The following SLC38A8 variants were observed in gnomAD, a reference collection of about 807,000 sequenced individuals.
SLC38A8 encodes the protein solute carrier family 38 member 8.
SLC38A8 carries 65 observed loss-of-function variants against 46.0 expected under a neutral mutation model. That is an observed-to-expected ratio of 1.41 (90% CI 1.16 to 1.74). The LOEUF (loss-of-function observed/expected upper bound fraction) is 1.74. Ranked by LOEUF, SLC38A8 falls within the 40% of genes most tolerant of loss-of-function variation. The pLI is 0.00. For missense variants in SLC38A8, 998 were observed against 567.9 expected, an observed-to-expected ratio of 1.76 and a Z score of -7.70; for synonymous variants, 447 against 243.7, an observed-to-expected ratio of 1.83 and a Z score of -7.77.
Position 84,042,729 on chromosome 16 carries a change from G to C in SLC38A8, c.-181C>G, listed in dbSNP as rs552933294. ...AGGAGCCCTAGCGAGTATGTGTCAGGGTCAGGCCCCTCCACACCTAAGAGG... is the reference window on the plus strand; with the variant it reads ...AGGAGCCCTAGCGAGTATGTGTCAGCGTCAGGCCCCTCCACACCTAAGAGG... On this transcript the variant is annotated 5_prime_UTR_variant, in exon 1 of 11. Transcript: ENST00000299709. 3.3e-5 allele frequency: 5 copies of C among 153,068 alleles called. No homozygotes were observed. In the South Asian group the frequency reaches 1.0e-3, roughly 31 times the overall value. The allele number at this position is 153,068 out of a possible 1,614,324, so 9.5% of individuals were successfully genotyped here.
intron 7 of SLC38A8, among the ~76,000 whole-genome samples, chr16:84,018,609 T>A (rs527956743): frequency 3.9e-5 from 6 of 152,248 alleles, no homozygotes; most frequent in South Asian, 4.1e-4. Context: ...CCCTGCCCCA[T>A]GCCTGCCTCT....
chr16:84,020,049 C>T (rs2085077297), intron 7 of SLC38A8, among the ~76,000 whole-genome samples: 1 of 152,234 alleles, frequency 6.6e-6, no homozygotes, highest in Non-Finnish European at 1.5e-5. Flanking sequence ...GTTTGTAGTC[C>T]CAGTGGCAGT....
At chr16:84,029,608 G>A (rs2085213969) in intron 5 of SLC38A8, 57 bp from the exon 6 acceptor site, 1 of 1,555,462 alleles carries the variant, frequency 6.4e-7, no homozygotes, top group Non-Finnish European at 8.8e-7. Context: ...GGAACAACCT[G>A]CGGCTGCAAT....
At chr16:84,017,013 T>C (rs2085035859) in intron 8 of SLC38A8, 127 bp downstream of exon 8, 14 of 1,326,092 alleles carry the variant, frequency 1.1e-5, no homozygotes, top group Non-Finnish European at 6.1e-6. Context: ...TGTGCCTGTT[T>C]CCTCCTGTCT....
At chr16:84,013,622 G>A (rs1275876743) in intron 9 of SLC38A8, among the ~76,000 whole-genome samples, 1 of 151,554 alleles carries the variant, frequency 6.6e-6, no homozygotes, top group East Asian at 1.9e-4. Flanking sequence ...GTAGAGACGG[G>A]ATTTCACCAT....
At chr16:84,040,863 T>C (rs1320436554) in intron 2 of SLC38A8, among the ~76,000 whole-genome samples, 1 of 152,158 alleles carries the variant, frequency 6.6e-6, no homozygotes, top group Non-Finnish European at 1.5e-5. Context: ...CAAAGCTCCA[T>C]GAGGACAGGG....
At chr16:84,037,063 C>G (rs1222284346) in intron 2 of SLC38A8, among the ~76,000 whole-genome samples, 163 bp from the exon 3 acceptor site, 1 of 152,130 alleles carries the variant, frequency 6.6e-6, no homozygotes, top group Admixed American at 6.5e-5. Context: ...ACTGCACACA[C>G]CCCCACCCCA....
intron 9 of SLC38A8, among the ~76,000 whole-genome samples, chr16:84,014,677 C>T (rs79619233): frequency 0.022 from 3,404 of 152,342 alleles, 128 homozygotes; most frequent in African/African-American, 0.076. Context: ...ACTTCACTTC[C>T]CCAGTCTTTA....
At position 84,031,063 on chromosome 16, in the gene SLC38A8, CAG is replaced by C. The variant is rs562057016; in HGVS notation, c.632+802_632+803del. Reference sequence around the variant, plus strand: ...TTATTAATTTTTTTCTTTTTTGAGACAGAGTCTTGCTCTGTTGCCCAGGCTGG... The same window carrying C: ...TTATTAATTTTTTTCTTTTTTGAGACAGTCTTGCTCTGTTGCCCAGGCTGG... On this transcript the variant is annotated intron_variant, in intron 5 of 10. Transcript: ENST00000299709. 9.9e-5 allele frequency among the ~76,000 whole-genome samples: 15 copies of C among 152,196 alleles called. No homozygotes were observed. In the South Asian group the frequency reaches 2.7e-3, roughly 27 times the overall value.
intron 3 of SLC38A8, among the ~76,000 whole-genome samples, chr16:84,035,390 G>C (rs2085289732): frequency 6.6e-6 from 1 of 152,146 alleles, no homozygotes; most frequent in Admixed American, 6.5e-5. Flanking sequence ...TGGGTCAAGA[G>C]ACACACAGAA....
intron 2 of SLC38A8, among the ~76,000 whole-genome samples, chr16:84,040,869 C>A (rs1402045611): frequency 6.6e-6 from 1 of 152,208 alleles, no homozygotes; most frequent in Non-Finnish European, 1.5e-5. Context: ...TCCATGAGGA[C>A]AGGGACCACA....
intron 7 of SLC38A8, among the ~76,000 whole-genome samples, chr16:84,019,899 T>C (rs999128339): frequency 1.3e-5 from 2 of 152,258 alleles, no homozygotes; most frequent in African/African-American, 4.8e-5. Context: ...TTTGACACCA[T>C]GTGCCACCCC....
At chr16:84,011,834 C>A (rs1273666759) in intron 10 of SLC38A8, among the ~76,000 whole-genome samples, 2 of 152,022 alleles carry the variant, frequency 1.3e-5, no homozygotes, top group African/African-American at 4.8e-5. Flanking sequence ...TAGTGAGCCA[C>A]AATTACGCCA....
chr16:84,040,421 C>T (rs369154993), intron 2 of SLC38A8, among the ~76,000 whole-genome samples: 2 of 152,216 alleles, frequency 1.3e-5, no homozygotes, highest in African/African-American at 4.8e-5. Flanking sequence ...CAAATGTGGT[C>T]TCAGGCCCAC....
intron 7 of SLC38A8, 50 bp from the exon 8 acceptor site, chr16:84,017,337 C>T: frequency 6.3e-7 from 1 of 1,597,780 alleles, no homozygotes; most frequent in South Asian, 1.1e-5. Context: ...GAAAATGCTG[C>T]CCCCTCCCCC....
At chr16:84,011,707 T>C (rs2084956061) in intron 10 of SLC38A8, among the ~76,000 whole-genome samples, 2 of 152,182 alleles carry the variant, frequency 1.3e-5, no homozygotes, top group Admixed American at 6.5e-5. Flanking sequence ...GACCCTAATC[T>C]GATGGTAGGT....
At chr16:84,012,263 C>T (rs2084963591) in intron 10 of SLC38A8, among the ~76,000 whole-genome samples, 1 of 152,208 alleles carries the variant, frequency 6.6e-6, no homozygotes, top group African/African-American at 2.4e-5. Context: ...GCTGAGGAAG[C>T]GCACATCATT....
intron 7 of SLC38A8, among the ~76,000 whole-genome samples, chr16:84,020,529 C>T (rs988987023): frequency 2.6e-5 from 4 of 152,180 alleles, no homozygotes; most frequent in Admixed American, 6.5e-5. Context: ...GAATTAGCAA[C>T]GCACGCATCC....
chr16:84,022,673 T>C, intron 7 of SLC38A8, 102 bp downstream of exon 7: 1 of 868,066 alleles, frequency 1.2e-6, no homozygotes, highest in South Asian at 1.5e-5. Flanking sequence ...CATTGAGTAT[T>C]GAGCCCAGCA....
Sources: gnomAD v4.1 joint callset for allele counts (sites outside exome capture counted in the v4.1 genomes callset) on GRCh38, gnomAD v4.1.1 for gene constraint, MANE v1.5 for transcripts, NCBI Gene and HGNC (gene_info 2026-07-23, HGNC 2026-07-21) for gene names.